ADGRL3: variants seen among roughly 807,000 people sequenced by gnomAD.
ADGRL3 encodes adhesion G protein-coupled receptor L3.
In ADGRL3, 62 loss-of-function variants were observed where a neutral mutation model predicts 153.5. That is an observed-to-expected ratio of 0.40 (90% confidence interval 0.33 to 0.50). The LOEUF (loss-of-function observed/expected upper bound fraction) is 0.50, where lower values mean the gene tolerates loss of function less well. Among genes scored for constraint, ADGRL3 ranks in the 20% least tolerant of loss-of-function variants. ADGRL3 has a pLI of 0.47. For synonymous variants in ADGRL3, 710 were observed against 672.5 expected (o/e 1.06, Z -0.86); for missense variants, 1,641 against 1,859.4 (o/e 0.88, Z 2.16).
At chr4:61,738,967 C>T (rs1305872061) in intron 8 of ADGRL3, among the ~76,000 whole-genome samples, 2 of 152,080 alleles carry the variant, frequency 1.3e-5, no homozygotes, top group South Asian at 4.1e-4. Context: ...CTATGTTTCT[C>T]TAAAAACATT....
rs117964358 is a variant in ADGRL3, at chr4:61,734,606, C to T, written c.1399+1052C>T. On this transcript the variant is annotated intron_variant, in intron 8 of 26. Transcript: ENST00000683033. Reference sequence around the variant, plus strand: ...GGAGACTGCCCCCATGATCCAATCACCTCCCACCAGGTCCTGCCCTCCACA... The same window carrying T: ...GGAGACTGCCCCCATGATCCAATCATCTCCCACCAGGTCCTGCCCTCCACA... 2.0e-4 allele frequency among the ~76,000 whole-genome samples: 30 copies of T among 152,288 alleles called. No homozygotes were observed. In the East Asian group the frequency reaches 5.6e-3, roughly 28 times the overall value.
chr4:61,255,188 A>G (rs2091843205), intron 1 of ADGRL3, among the ~76,000 whole-genome samples: 1 of 152,190 alleles, frequency 6.6e-6, no homozygotes, highest in Non-Finnish European at 1.5e-5. Flanking sequence ...TCTTGAACAC[A>G]GACTTGCTCA....
chr4:61,456,360 GAGATAT>G (rs1184653281), intron 2 of ADGRL3, among the ~76,000 whole-genome samples: 3,345 of 125,282 alleles, frequency 0.027, 181 homozygotes, highest in Non-Finnish European at 0.029. Flanking sequence ...GATATATATA[GAGATAT>G]AGATATATCT....
chr4:61,716,005 AT>A (rs1475639804), intron 6 of ADGRL3, among the ~76,000 whole-genome samples: 1 of 150,934 alleles, frequency 6.6e-6, no homozygotes, highest in African/African-American at 2.4e-5. Flanking sequence ...GAAAAGTACT[AT>A]TTCTACCATT....
intron 2 of ADGRL3, among the ~76,000 whole-genome samples, chr4:61,418,243 A>C (rs2097165934): frequency 6.6e-6 from 1 of 152,190 alleles, no homozygotes; most frequent in African/African-American, 2.4e-5. Context: ...CCCATATCTG[A>C]AAGAGTAGAA....
chr4:61,592,969 A>G (rs1357908879), intron 5 of ADGRL3, among the ~76,000 whole-genome samples: 4 of 152,088 alleles, frequency 2.6e-5, no homozygotes, highest in Non-Finnish European at 5.9e-5. Context: ...CTCTGGTTGT[A>G]TGCTTTAATT....
intron 5 of ADGRL3, among the ~76,000 whole-genome samples, chr4:61,674,857 G>A (rs2095133080): frequency 6.6e-6 from 1 of 151,862 alleles, no homozygotes; most frequent in Non-Finnish European, 1.5e-5. Flanking sequence ...ATTTTAAGAA[G>A]GTGTGAGTAC....
chr4:61,229,450 T>C (rs756186225), intron 1 of ADGRL3, among the ~76,000 whole-genome samples: 36 of 152,168 alleles, frequency 2.4e-4, no homozygotes, highest in Non-Finnish European at 2.4e-4. Context: ...AATTTGGGGC[T>C]AGCAAGGATT....
chr4:62,012,744 T>C (rs995208522), intron 21 of ADGRL3, among the ~76,000 whole-genome samples: 3 of 152,200 alleles, frequency 2.0e-5, no homozygotes, highest in African/African-American at 7.2e-5. Context: ...GGGCCCTGTG[T>C]TTAACACCTA....
At chr4:61,691,487 A>C (rs1198976497) in intron 6 of ADGRL3, among the ~76,000 whole-genome samples, 1 of 152,140 alleles carries the variant, frequency 6.6e-6, no homozygotes, top group Non-Finnish European at 1.5e-5. Context: ...GCTTACTACA[A>C]ATATCCAAGT....
chr4:61,830,197 A>G (rs1031598793), intron 9 of ADGRL3, among the ~76,000 whole-genome samples: 4 of 151,858 alleles, frequency 2.6e-5, no homozygotes, highest in African/African-American at 9.7e-5. Flanking sequence ...TTGTAGAGGC[A>G]GGGTTTTGCC....
At chr4:61,679,210 A>G (rs2095280879) in intron 6 of ADGRL3, among the ~76,000 whole-genome samples, 1 of 151,974 alleles carries the variant, frequency 6.6e-6, no homozygotes, top group African/African-American at 2.4e-5. Flanking sequence ...GGGAGCTCCT[A>G]GACTCTATTT....
chr4:61,909,315 G>A (rs899087322), intron 11 of ADGRL3, among the ~76,000 whole-genome samples: 5 of 152,206 alleles, frequency 3.3e-5, no homozygotes, highest in African/African-American at 7.2e-5. Flanking sequence ...ATTAAGGTAA[G>A]CATGATTTTT....
chr4:61,631,508 C>T (rs1177530011), intron 5 of ADGRL3, among the ~76,000 whole-genome samples: 1 of 152,090 alleles, frequency 6.6e-6, no homozygotes, highest in Non-Finnish European at 1.5e-5. Context: ...TTGTATAGAT[C>T]AACGATTAGT....
intron 1 of ADGRL3, among the ~76,000 whole-genome samples, chr4:61,247,828 T>C (rs1471021421): frequency 6.6e-6 from 1 of 152,082 alleles, no homozygotes; most frequent in Non-Finnish European, 1.5e-5. Context: ...CTATAATTTA[T>C]ACATCAGGAG....
chr4:61,937,636 C>A (rs74737896), intron 15 of ADGRL3, among the ~76,000 whole-genome samples: 1 of 151,814 alleles, frequency 6.6e-6, no homozygotes, highest in Non-Finnish European at 1.5e-5. Flanking sequence ...TAAGAAATAA[C>A]ATTATTATTA....
chr4:61,950,241 G>T (rs1304240840), intron 17 of ADGRL3, among the ~76,000 whole-genome samples: 4 of 151,046 alleles, frequency 2.6e-5, no homozygotes, highest in African/African-American at 4.9e-5. Flanking sequence ...AGGTTTACAG[G>T]TTTTTTTTTA....
chr4:61,776,045 C>T lies in ADGRL3; in HGVS notation c.1400-37764C>T, dbSNP rs532147331. ...CCTCCCGAGTAGCTGGGACTCCAGG[C>T]GCCCGCCACCACACCCGGCTAATTT... On this transcript the variant is annotated intron_variant, in intron 8 of 26. Transcript: ENST00000683033. 3.3e-5 allele frequency among the ~76,000 whole-genome samples: 5 copies of T among 152,156 alleles called. No individual in the cohort carries two copies. In the South Asian group the frequency reaches 8.3e-4, roughly 25 times the overall value.
intron 1 of ADGRL3, among the ~76,000 whole-genome samples, chr4:61,228,985 C>G (rs139575641): frequency 6.6e-6 from 1 of 152,280 alleles, no homozygotes; most frequent in East Asian, 1.9e-4. Context: ...AGCCACCACA[C>G]CTGGCCTCTT....
Sources: gnomAD v4.1 joint callset for allele counts (sites outside exome capture counted in the v4.1 genomes callset) on GRCh38, gnomAD v4.1.1 for gene constraint, MANE v1.5 for transcripts, NCBI Gene and HGNC (gene_info 2026-07-23, HGNC 2026-07-21) for gene names.